Variants in CCBE1 observed in about 807,000 individuals in gnomAD.
CCBE1 encodes collagen and calcium binding EGF domains 1.
Under a neutral mutation model 50.0 loss-of-function variants are expected in CCBE1, and 37 were observed. The observed-to-expected ratio is 0.74, with a 90% confidence interval of 0.57 to 0.97. CCBE1 has a LOEUF of 0.97. CCBE1 is among the 50% of genes least tolerant of loss of function. The probability of loss-of-function intolerance (pLI) is 0.00; values close to 1 mark genes in which losing one functional copy is unlikely to be tolerated. For synonymous variants in CCBE1, 234 were observed against 203.7 expected (o/e 1.15, Z -1.27); for missense variants, 538 against 523.8 (o/e 1.03, Z -0.26).
chr18:59,671,824 G>A (rs191977054), intron 2 of CCBE1, among the ~76,000 whole-genome samples: 1 of 146,254 alleles, frequency 6.8e-6, no homozygotes, highest in African/African-American at 2.7e-5. Context: ...AAAAAAAAGG[G>A]GGGGGGTAGT....
At chr18:59,464,549 C>A (rs924516443) in intron 5 of CCBE1, among the ~76,000 whole-genome samples, 1 of 152,256 alleles carries the variant, frequency 6.6e-6, no homozygotes, top group South Asian at 2.1e-4. Context: ...CAGGCACATG[C>A]CACATGCTTC....
intron 2 of CCBE1, among the ~76,000 whole-genome samples, chr18:59,586,995 G>T (rs548008791): frequency 6.6e-6 from 1 of 152,120 alleles, no homozygotes; most frequent in Non-Finnish European, 1.5e-5. Context: ...AATGGAAACC[G>T]TGAACATGGA....
At chr18:59,696,412 G>GCA (rs1244102758) in intron 2 of CCBE1, 6 of 1,247,832 alleles carry the variant, frequency 4.8e-6, no homozygotes, top group Non-Finnish European at 6.4e-6. Flanking sequence ...GGATCTCAGG[G>GCA]CACACACCCT....
intron 2 of CCBE1, among the ~76,000 whole-genome samples, chr18:59,509,642 G>A (rs1266322235): frequency 6.6e-6 from 1 of 152,144 alleles, no homozygotes; most frequent in Non-Finnish European, 1.5e-5. Flanking sequence ...CATGTCTTAA[G>A]TTGACAGCAG....
intron 2 of CCBE1, among the ~76,000 whole-genome samples, chr18:59,583,751 C>A (rs1480162828): frequency 1.3e-5 from 2 of 151,992 alleles, no homozygotes; most frequent in Non-Finnish European, 2.9e-5. Flanking sequence ...TCTTTCCACA[C>A]AGAGAAGGGC....
chr18:59,574,162 C>T (rs1036554292), intron 2 of CCBE1, among the ~76,000 whole-genome samples: 3 of 152,066 alleles, frequency 2.0e-5, no homozygotes, highest in African/African-American at 7.3e-5. Context: ...TAGTGCCTCC[C>T]ATGTGATCTG....
Position 59,581,397 on chromosome 18 carries a change from C to T in CCBE1, c.213-101159G>A, listed in dbSNP as rs138536323. 9.3e-4 allele frequency among the ~76,000 whole-genome samples: 140 copies of T among 150,734 alleles called. 3 individuals are homozygous for T. The East Asian group carries it at 0.017, about 19-fold the overall frequency. On this transcript the variant is annotated intron_variant, in intron 2 of 10. Transcript: ENST00000439986. ...TGGAAATCTCAGTGAGCCGAGATCA[C>T]GCCACTGCACTCCAGCCTGGTGACA...
chr18:59,643,920 A>G (rs1016430583), intron 2 of CCBE1, among the ~76,000 whole-genome samples: 6 of 152,192 alleles, frequency 3.9e-5, no homozygotes, highest in African/African-American at 1.4e-4. Context: ...AGCCCAACTC[A>G]GGGATACAAG....
intron 2 of CCBE1, among the ~76,000 whole-genome samples, chr18:59,629,173 T>A (rs2053822800): frequency 6.6e-6 from 1 of 152,174 alleles, no homozygotes; most frequent in Non-Finnish European, 1.5e-5. Context: ...CATCTACTCA[T>A]GATACTCAGT....
intron 2 of CCBE1, among the ~76,000 whole-genome samples, chr18:59,669,897 A>T (rs768958545): frequency 6.6e-5 from 10 of 152,224 alleles, no homozygotes; most frequent in Non-Finnish European, 1.0e-4. Context: ...TACCCAGCAC[A>T]GTGTGTAGCA....
At chr18:59,691,610 T>TG (rs2054734555) in intron 2 of CCBE1, among the ~76,000 whole-genome samples, 1 of 152,202 alleles carries the variant, frequency 6.6e-6, no homozygotes, top group Non-Finnish European at 1.5e-5. Context: ...TTCACCATGT[T>TG]GGCCAGGCTG....
intron 2 of CCBE1, among the ~76,000 whole-genome samples, chr18:59,580,127 C>A (rs933744047): frequency 4.6e-5 from 7 of 152,150 alleles, no homozygotes; most frequent in African/African-American, 1.7e-4. Context: ...AATTACTAAG[C>A]TAAAGGGAAA....
intron 2 of CCBE1, chr18:59,688,108 G>A (rs1276631080): frequency 1.3e-5 from 2 of 152,118 alleles, no homozygotes; most frequent in Admixed American, 1.3e-4. Context: ...TTCCCTCGAT[G>A]GGTATTCCTC....
At chr18:59,655,526 T>G (rs1287007843) in intron 2 of CCBE1, among the ~76,000 whole-genome samples, 1 of 152,204 alleles carries the variant, frequency 6.6e-6, no homozygotes, top group Non-Finnish European at 1.5e-5. Flanking sequence ...TGGAGATCCT[T>G]TGGGCTTTTT....
At chr18:59,468,066 G>C (rs1568155645) in intron 4 of CCBE1, among the ~76,000 whole-genome samples, 1 of 152,318 alleles carries the variant, frequency 6.6e-6, no homozygotes, top group East Asian at 1.9e-4. Flanking sequence ...TAGAAGCCAA[G>C]TTCTGCTGGT....
chr18:59,571,956 T>C (rs1181569294), intron 2 of CCBE1, among the ~76,000 whole-genome samples: 1 of 152,214 alleles, frequency 6.6e-6, no homozygotes. Flanking sequence ...TACTGGAAAT[T>C]CTAGTCTAGT....
At chr18:59,459,796 A>G (rs2143692442) in intron 5 of CCBE1, among the ~76,000 whole-genome samples, 1 of 152,318 alleles carries the variant, frequency 6.6e-6, no homozygotes. Flanking sequence ...CTTTTAAAAT[A>G]TGAATTCTGC....
At chr18:59,666,384 G>T (rs550880258) in intron 2 of CCBE1, among the ~76,000 whole-genome samples, 1 of 152,286 alleles carries the variant, frequency 6.6e-6, no homozygotes, top group South Asian at 2.1e-4. Flanking sequence ...GTCACAGCTG[G>T]CAAAAGCACT....
chr18:59,543,781 G>A (rs1196433691), intron 2 of CCBE1, among the ~76,000 whole-genome samples: 1 of 132,234 alleles, frequency 7.6e-6, no homozygotes, highest in Admixed American at 8.9e-5. Flanking sequence ...CTTGCAGTGA[G>A]CCAAGATCGC....
Sources: allele counts gnomAD v4.1 joint callset (sites outside exome capture counted in the v4.1 genomes callset), GRCh38; gene constraint gnomAD v4.1.1; transcripts MANE v1.5; gene names NCBI Gene and HGNC (gene_info 2026-07-23, HGNC 2026-07-21).